The following PHF20L1 variants were observed in gnomAD, a reference collection of about 807,000 sequenced individuals.
PHF20L1 encodes the protein PHD finger protein 20 like 1, also known as PHD finger protein 20-like protein 1.
In PHF20L1, 44 loss-of-function variants were observed where a neutral mutation model predicts 125.5. The observed-to-expected ratio is 0.35, with a 90% confidence interval of 0.28 to 0.45. The LOEUF (loss-of-function observed/expected upper bound fraction) is 0.45. Ranked by LOEUF, PHF20L1 falls within the 20% of genes least tolerant of loss-of-function variation. The pLI is 1.00. For synonymous variants in PHF20L1, 380 were observed against 403.1 expected, an observed-to-expected ratio of 0.94 and a Z score of 0.69; for missense variants, 1,012 against 1,217.2, an observed-to-expected ratio of 0.83 and a Z score of 2.51.
At chr8:132,831,963 T>C (rs910613421) in intron 14 of PHF20L1, among the ~76,000 whole-genome samples, 1 of 152,082 alleles carries the variant, frequency 6.6e-6, no homozygotes, top group African/African-American at 2.4e-5. Context: ...GAAATAATCC[T>C]TTTTCACCTC....
At chr8:132,839,318 A>G in intron 17 of PHF20L1, 69 bp from the exon 18 acceptor site, 1 of 1,178,482 alleles carries the variant, frequency 8.5e-7, no homozygotes, top group South Asian at 1.3e-5. Flanking sequence ...CAACGTTAGT[A>G]GGTTAGCAGT....
chr8:132,816,297 C>T (rs1402641018), intron 10 of PHF20L1: 1 of 150,452 alleles, frequency 6.6e-6, no homozygotes, highest in East Asian at 1.9e-4. Flanking sequence ...TATTTGCTCA[C>T]AATAAGTATA....
chr8:132,785,183 C>T (rs1044070823), intron 2 of PHF20L1, among the ~76,000 whole-genome samples: 3 of 152,158 alleles, frequency 2.0e-5, no homozygotes, highest in Non-Finnish European at 4.4e-5. Flanking sequence ...CACACACATC[C>T]AGCTCCCTAT....
At chr8:132,776,633 A>G (rs1040909848) in intron 1 of PHF20L1, among the ~76,000 whole-genome samples, 2 of 152,070 alleles carry the variant, frequency 1.3e-5, no homozygotes, top group African/African-American at 2.4e-5. Flanking sequence ...TCCCTTACCT[A>G]TCAGACTCTT....
At chr8:132,843,183 G>T in intron 19 of PHF20L1, 3 of 1,052,306 alleles carry the variant, frequency 2.9e-6, no homozygotes, top group Non-Finnish European at 3.4e-6. Flanking sequence ...GAAAATGTCA[G>T]TGTGTAAGAA....
rs566923871 is a variant in PHF20L1, at chr8:132,783,080, C to G, written c.83+5169C>G. Among the ~76,000 whole-genome samples, 26 of 152,158 alleles carry G rather than the reference C, an allele frequency of 1.7e-4. No homozygotes were observed. In the South Asian group the frequency reaches 4.4e-3, roughly 25 times the overall value. ...GTTATTCTACAGTAAGCGATTGTTA[C>G]AAAAACACAAGAGATTAAATAACAT... is the stretch of plus-strand genomic sequence containing the variant. On this transcript the variant is annotated intron_variant, in intron 2 of 20. Coordinates refer to ENST00000395386, the MANE Select transcript of PHF20L1 (RefSeq NM_016018.5).
At chr8:132,784,088 G>A (rs1386504610) in intron 2 of PHF20L1, among the ~76,000 whole-genome samples, 1 of 152,100 alleles carries the variant, frequency 6.6e-6, no homozygotes, top group East Asian at 1.9e-4. Flanking sequence ...TTTGAACAAT[G>A]CTAAATATAA....
chr8:132,775,454 G>A lies in PHF20L1; in HGVS notation c.-229G>A, dbSNP rs1250791259. On this transcript the variant is annotated 5_prime_UTR_variant, in exon 1 of 21. Transcript: ENST00000395386. ...GCAGCGGACCCTGAGCGAGCTTGAG[G>A]GCTCGGACCCAGCTCCCTCCCGCGA... 5.2e-6 allele frequency: 2 copies of A among 383,596 alleles called. No individual in the cohort carries two copies. Among genetic ancestry groups the A allele is most frequent in the Non-Finnish European group, 9.2e-6 (2 of 217,876 alleles). The allele number at this position is 383,596 out of a possible 1,614,324, so 23.8% of individuals were successfully genotyped here. A position where few individuals can be genotyped will look rare whatever the true frequency, so the allele number is the denominator to read the frequency against.
At chr8:132,801,469 T>C (rs1326152474) in intron 6 of PHF20L1, among the ~76,000 whole-genome samples, 1 of 151,750 alleles carries the variant, frequency 6.6e-6, no homozygotes, top group Non-Finnish European at 1.5e-5. Flanking sequence ...AGTGCCCTTT[T>C]TAATGCAATA....
At chr8:132,790,247 A>C (rs1831525889) in intron 2 of PHF20L1, among the ~76,000 whole-genome samples, 1 of 152,224 alleles carries the variant, frequency 6.6e-6, no homozygotes, top group African/African-American at 2.4e-5. Flanking sequence ...GGCATTTGTG[A>C]ATACATTTGT....
chr8:132,832,410 C>T lies in PHF20L1; in HGVS notation c.1909+11C>T, dbSNP rs1563843655. 3 of 1,591,788 alleles carry T rather than the reference C, an allele frequency of 1.9e-6. No individual in the cohort carries two copies. The South Asian group carries it at 3.3e-5, about 18-fold the overall frequency. ...ATCTTAGTGGTGAAAGTATGTGTAACCATGTGATGGTTAAAACAAGACTTA... is the reference window on the plus strand; with the variant it reads ...ATCTTAGTGGTGAAAGTATGTGTAATCATGTGATGGTTAAAACAAGACTTA... On this transcript the variant is annotated intron_variant, in intron 15 of 20. Coordinates refer to ENST00000395386, the MANE Select transcript of PHF20L1 (RefSeq NM_016018.5).
Position 132,842,834 on chromosome 8 carries a change from A to C in PHF20L1, c.2707A>C (p.Ser903Arg). 2 of 1,612,728 alleles carry C rather than the reference A, an allele frequency of 1.2e-6. No homozygotes were observed. Among genetic ancestry groups the C allele is most frequent in the Non-Finnish European group, 1.7e-6 (2 of 1,179,054 alleles). ...EQEFHMRSKNSLQYSAKEHGM... is the reference protein window; with the variant it reads ...EQEFHMRSKNRLQYSAKEHGM... ...AGAATTCCACATGAGAAGTAAAAACAGTTTACAGTACTCAGCAAAAGAACA... is the reference window on the plus strand; with the variant it reads ...AGAATTCCACATGAGAAGTAAAAACCGTTTACAGTACTCAGCAAAAGAACA... The change falls in exon 19 of 21, where the codon AGT becomes CGT. Residue 903 changes from serine (S) to arginine (R), a missense_variant. Ser to Arg is a moderately radical substitution (Grantham distance 110). Around this residue, in one of 7 missense-constraint regions of PHF20L1, gnomAD observed 277 missense variants for 283.6 expected, o/e 0.98. Transcript: ENST00000395386.
intron 18 of PHF20L1, among the ~76,000 whole-genome samples, chr8:132,840,703 C>T (rs768118548): frequency 1.3e-5 from 2 of 152,140 alleles, no homozygotes; most frequent in Non-Finnish European, 2.9e-5. Context: ...CCAGGATAAG[C>T]TTCTACCACT....
In PHF20L1 at chr8:132,844,215, A is replaced by T; in HGVS notation, c.2808A>T (p.Pro936=). The T allele has an allele frequency of 6.2e-7, 1 of 1,613,062 alleles. No individual in the cohort carries two copies. The highest frequency in any genetic ancestry group is 8.5e-7 in the Non-Finnish European group (1 of 1,179,236). Residue 936 remains proline (P), a synonymous_variant, in exon 20 of 21, where the codon CCA becomes CCT. Transcript: ENST00000395386. ...VYNDKKGTED[P]GDSHLQWQLN... is the part of the protein sequence containing the mutation. The stretch of plus-strand genomic sequence containing the variant: ...ATGATAAAAAGGGCACCGAAGACCC[A>T]GGAGACTCACATCTTCAGTGGCAGC...
chr8:132,805,677 A>G (rs1403845198), intron 8 of PHF20L1, among the ~76,000 whole-genome samples: 1 of 151,970 alleles, frequency 6.6e-6, no homozygotes, highest in Non-Finnish European at 1.5e-5. Flanking sequence ...CATGTAAACT[A>G]AACATTTTGA....
At chr8:132,787,443 G>A (rs1484704713) in intron 2 of PHF20L1, among the ~76,000 whole-genome samples, 1 of 152,104 alleles carries the variant, frequency 6.6e-6, no homozygotes. Context: ...TGCCAGATGT[G>A]TATTATGGGG....
At chr8:132,794,119 AAGT>A (rs1400644050) in intron 2 of PHF20L1, among the ~76,000 whole-genome samples, 4 of 152,192 alleles carry the variant, frequency 2.6e-5, no homozygotes, top group African/African-American at 9.6e-5. Context: ...TTGGGTCAGA[AAGT>A]AGGAATATGT....
At chr8:132,818,584 A>T (rs1233694200) in intron 12 of PHF20L1, 1 of 151,872 alleles carries the variant, frequency 6.6e-6, no homozygotes, top group Non-Finnish European at 1.5e-5. Context: ...ATAATTCTTT[A>T]TCATGTTTAA....
At chr8:132,775,850 C>T (rs1401189996) in intron 1 of PHF20L1, among the ~76,000 whole-genome samples, 2 of 152,160 alleles carry the variant, frequency 1.3e-5, no homozygotes, top group East Asian at 1.9e-4. Flanking sequence ...GCTGTCAAAC[C>T]TGGAGGCTTC....
Sources: gnomAD v4.1 joint callset for allele counts (sites outside exome capture counted in the v4.1 genomes callset) on GRCh38, gnomAD v4.1.1 for gene constraint, gnomAD v4.1.1 regional missense constraint, MANE v1.5 for transcripts, NCBI Gene and HGNC (gene_info 2026-07-23, HGNC 2026-07-21) for gene names.